LRIG1: variants seen among roughly 807,000 people sequenced by gnomAD.
LRIG1 encodes the protein leucine rich repeats and immunoglobulin like domains 1, also known as leucine-rich repeats and immunoglobulin-like domains protein 1.
In LRIG1, 48 loss-of-function variants were observed where a neutral mutation model predicts 99.2. The ratio of observed to expected loss-of-function variants is 0.48; its 90% CI spans 0.38 to 0.62. The LOEUF (loss-of-function observed/expected upper bound fraction) is 0.62, where lower values mean the gene tolerates loss of function less well. Ranked by LOEUF, LRIG1 falls within the 20% of genes least tolerant of loss-of-function variation. The probability of loss-of-function intolerance (pLI) is 0.00; values close to 1 mark genes in which losing one functional copy is unlikely to be tolerated. For synonymous variants in LRIG1, 772 were observed against 596.1 expected (o/e 1.29, Z -4.30); for missense variants, 1,646 against 1,434.4 (o/e 1.15, Z -2.38).
chr3:66,401,634 G>A lies in LRIG1; in HGVS notation c.1161-2593C>T, dbSNP rs1020383279. On this transcript the variant is annotated intron_variant, in intron 9 of 18. Transcript: ENST00000273261. ...CTTCCCCCAGCAGACATATGGGGCT[G>A]GGACGGGGAGCTGCAGCCAGCAGAC... 3.9e-6 allele frequency: 6 copies of A among 1,529,640 alleles called. No homozygotes were observed. In the African/African-American group the frequency reaches 5.5e-5, roughly 14 times the overall value. The allele number at this position is 1,529,640 out of a possible 1,614,324, so 94.8% of individuals were successfully genotyped here. A position where few individuals can be genotyped will look rare whatever the true frequency, so the allele number is the denominator to read the frequency against.
chr3:66,475,449 C>T (rs940820460), intron 1 of LRIG1, among the ~76,000 whole-genome samples: 1 of 152,160 alleles, frequency 6.6e-6, no homozygotes, highest in African/African-American at 2.4e-5. Flanking sequence ...CTATCAGATG[C>T]AACCTGTACT....
rs35420784 is a variant in LRIG1 at position 66,481,520 on chromosome 3, TACACAC to T, written c.218+18664_218+18669del. ...AGATGCACAGACCGGAGGGTTTATG[TACACAC>T]ACACACACACACACGTGTATACACA... On this transcript the variant is annotated intron_variant, in intron 1 of 18. Coordinates refer to ENST00000273261, the MANE Select transcript of LRIG1 (RefSeq NM_015541.3). Among the ~76,000 whole-genome samples, 5 of 149,962 alleles carry T rather than the reference TACACAC, an allele frequency of 3.3e-5. No individual in the cohort carries two copies. The South Asian group carries it at 6.3e-4, about 19-fold the overall frequency.
At chr3:66,481,604 T>C (rs1471434772) in intron 1 of LRIG1, among the ~76,000 whole-genome samples, 1 of 152,196 alleles carries the variant, frequency 6.6e-6, no homozygotes, top group Admixed American at 6.5e-5. Context: ...ATATTCCCCA[T>C]GGCAAAGGAG....
rs1701123752 is a variant in LRIG1, at chr3:66,382,318, T to C, written c.2572A>G (p.Arg858Gly). 1 of 1,614,116 alleles carries C rather than the reference T, an allele frequency of 6.2e-7. No individual in the cohort carries two copies. The highest frequency in any genetic ancestry group is 1.7e-5 in the Admixed American group (1 of 60,008). ...TTGGCCTGAGGGCCACCCTCGGTCC[T>C]GACCACGGTTTCTTGTCGGTCAGAA... ...TLSDRQETVV[R>G]TEGGPQANGH... Residue 858 changes from arginine to glycine, a missense_variant, in exon 16 of 19, where the codon AGG becomes GGG. Arg to Gly is a moderately radical substitution (Grantham distance 125). Coordinates refer to ENST00000273261, the MANE Select transcript of LRIG1 (RefSeq NM_015541.3).
intron 11 of LRIG1, among the ~76,000 whole-genome samples, chr3:66,397,272 A>G (rs1701886089): frequency 6.6e-6 from 1 of 152,062 alleles, no homozygotes; most frequent in Admixed American, 6.5e-5. Context: ...TCCCTGCCCC[A>G]ACTGAGGGTT....
intron 2 of LRIG1, among the ~76,000 whole-genome samples, chr3:66,460,546 C>T (rs1334018630): frequency 6.6e-6 from 1 of 152,178 alleles, no homozygotes; most frequent in Non-Finnish European, 1.5e-5. Context: ...GAAATCTGGA[C>T]ACACACAGAG....
chr3:66,453,683 T>C (rs569462361), intron 2 of LRIG1, among the ~76,000 whole-genome samples: 1 of 152,322 alleles, frequency 6.6e-6, no homozygotes, highest in Non-Finnish European at 1.5e-5. Flanking sequence ...AGAGAGGACA[T>C]GGCCAAGACC....
At chr3:66,404,075 C>T (rs1702170625) in intron 9 of LRIG1, among the ~76,000 whole-genome samples, 2 of 152,198 alleles carry the variant, frequency 1.3e-5, no homozygotes, top group South Asian at 4.1e-4. Context: ...TGATAAGCAT[C>T]TCCGACATGC....
intron 3 of LRIG1, among the ~76,000 whole-genome samples, chr3:66,441,536 TACC>T (rs1217697650): frequency 6.6e-6 from 1 of 152,176 alleles, no homozygotes; most frequent in Non-Finnish European, 1.5e-5. Context: ...AAGAAAATCA[TACC>T]AAGAGCTACC....
At chr3:66,486,578 C>T (rs907841029) in intron 1 of LRIG1, among the ~76,000 whole-genome samples, 3 of 152,196 alleles carry the variant, frequency 2.0e-5, no homozygotes, top group African/African-American at 7.2e-5. Context: ...AATTCTGATT[C>T]TCAAGTCACA....
intron 6 of LRIG1, among the ~76,000 whole-genome samples, chr3:66,411,703 A>G (rs1270631463): frequency 6.6e-6 from 1 of 152,128 alleles, no homozygotes; most frequent in African/African-American, 2.4e-5. Flanking sequence ...CCAGTAAAGG[A>G]CATTCGAGTC....
At chr3:66,497,359 A>G (rs1701250402) in intron 1 of LRIG1, among the ~76,000 whole-genome samples, 1 of 152,216 alleles carries the variant, frequency 6.6e-6, no homozygotes, top group Non-Finnish European at 1.5e-5. Flanking sequence ...GCTCTCAAAA[A>G]TAATTTCAAA....
intron 9 of LRIG1, among the ~76,000 whole-genome samples, chr3:66,401,297 A>T (rs765105498): frequency 6.6e-6 from 1 of 152,186 alleles, no homozygotes; most frequent in Non-Finnish European, 1.5e-5. Flanking sequence ...GTAACAGCTC[A>T]TGGGGCACTG....
At chr3:66,433,973 T>C (rs975103902) in intron 3 of LRIG1, among the ~76,000 whole-genome samples, 13 of 152,176 alleles carry the variant, frequency 8.5e-5, no homozygotes, top group African/African-American at 2.9e-4. Flanking sequence ...ATGCAAAACA[T>C]AAAACTACAG....
intron 3 of LRIG1, among the ~76,000 whole-genome samples, chr3:66,424,029 T>C (rs557402943): frequency 6.6e-6 from 1 of 152,322 alleles, no homozygotes; most frequent in Non-Finnish European, 1.5e-5. Context: ...AACAAGCAGC[T>C]CTGGCTCCCC....
chr3:66,437,067 T>A (rs1196560333), intron 3 of LRIG1, among the ~76,000 whole-genome samples: 1 of 152,194 alleles, frequency 6.6e-6, no homozygotes, highest in African/African-American at 2.4e-5. Flanking sequence ...CTCCTTAATG[T>A]CATCTTTTAC....
chr3:66,469,563 C>A (rs1442510298), intron 1 of LRIG1, among the ~76,000 whole-genome samples: 1 of 152,206 alleles, frequency 6.6e-6, no homozygotes, highest in Non-Finnish European at 1.5e-5. Flanking sequence ...TAAGGTCTTA[C>A]ATGTGCTTCT....
intron 2 of LRIG1, among the ~76,000 whole-genome samples, chr3:66,460,797 G>A (rs1700338701): frequency 6.6e-6 from 1 of 152,220 alleles, no homozygotes; most frequent in Non-Finnish European, 1.5e-5. Flanking sequence ...CTGATCCTCT[G>A]GGAGAATGAG....
At chr3:66,459,444 G>C (rs4856940) in intron 2 of LRIG1, among the ~76,000 whole-genome samples, 96,764 of 152,140 alleles carry the variant, frequency 0.64, 31,434 homozygotes, top group East Asian at 0.93. Flanking sequence ...TGCATGCCAG[G>C]CACAGTGGTC....
Sources: gnomAD v4.1 joint callset for allele counts (sites outside exome capture counted in the v4.1 genomes callset) on GRCh38, gnomAD v4.1.1 for gene constraint, MANE v1.5 for transcripts, NCBI Gene and HGNC (gene_info 2026-07-23, HGNC 2026-07-21) for gene names.